The following EFCAB12 variants were observed in gnomAD, a reference collection of about 807,000 sequenced individuals.
The protein encoded by EFCAB12 is EF-hand calcium binding domain 12, also known as EF-hand calcium-binding domain-containing protein 12.
EFCAB12 carries 43 observed loss-of-function variants against 53.6 expected under a neutral mutation model. The ratio of observed to expected loss-of-function variants is 0.80; its 90% CI spans 0.63 to 1.03. The LOEUF is 1.03. EFCAB12 is among the 50% of genes least tolerant of loss of function. The pLI is 0.00. For synonymous variants in EFCAB12, 269 were observed against 289.2 expected, an observed-to-expected ratio of 0.93 and a Z score of 0.71; for missense variants, 646 against 730.6, an observed-to-expected ratio of 0.88 and a Z score of 1.34.
At chr3:129,404,028 T>C in intron 7 of EFCAB12, 1 of 508,796 alleles carries the variant, frequency 2.0e-6, no homozygotes, top group Non-Finnish European at 3.5e-6. Flanking sequence ...AGGGTAGCTG[T>C]GTGGGAGCTG....
At chr3:129,425,061 G>C (rs1181810930) in intron 1 of EFCAB12, among the ~76,000 whole-genome samples, 1 of 152,144 alleles carries the variant, frequency 6.6e-6, no homozygotes, top group African/African-American at 2.4e-5. Flanking sequence ...CATGTTGGAA[G>C]CCCACTGTGT....
At chr3:129,403,115 C>T (rs1437348458) in intron 7 of EFCAB12, 1 of 156,344 alleles carries the variant, frequency 6.4e-6, no homozygotes, top group East Asian at 1.9e-4. Context: ...CCTAAGAGAA[C>T]TCTCTTTATC....
chr3:129,408,362 A>G (rs1034572627), intron 6 of EFCAB12, among the ~76,000 whole-genome samples: 1 of 152,198 alleles, frequency 6.6e-6, no homozygotes, highest in African/African-American at 2.4e-5. Context: ...CTCTAGAATG[A>G]GCTTTTGGTT....
At chr3:129,405,309 G>C (rs1403532440) in intron 6 of EFCAB12, among the ~76,000 whole-genome samples, 1 of 152,194 alleles carries the variant, frequency 6.6e-6, no homozygotes, top group South Asian at 2.1e-4. Flanking sequence ...AGTGATGGAA[G>C]TTACGCTCCA....
At chr3:129,410,538 G>A (rs542635942) in intron 5 of EFCAB12, among the ~76,000 whole-genome samples, 77 of 152,084 alleles carry the variant, frequency 5.1e-4, no homozygotes, top group African/African-American at 1.6e-3. Context: ...GGATGGCCTC[G>A]AACTCCTGGG....
Position 129,420,582 on chromosome 3 carries a change from A to T in EFCAB12, c.486+785T>A, listed in dbSNP as rs144103309. On this transcript the variant is annotated intron_variant, in intron 2 of 8. Transcript: ENST00000505956. ...ACCTCACAATCGTCATCCTCACAAT[A>T]GCTTGCTACATGGAACCCTCAGCAA... Among the ~76,000 whole-genome samples the T allele has an allele frequency of 1.2e-4, 19 of 152,338 alleles. No individual in the cohort carries two copies. The East Asian group carries it at 2.9e-3, about 23-fold the overall frequency.
chr3:129,408,995 T>C (rs1285024996), intron 5 of EFCAB12, 137 bp from the exon 6 acceptor site: 1 of 903,798 alleles, frequency 1.1e-6, no homozygotes, highest in Non-Finnish European at 1.7e-6. Flanking sequence ...CAACGTCCAG[T>C]GGGGCTGCAG....
At position 129,405,286 on chromosome 3, in the gene EFCAB12, A is replaced by G. The variant is rs916925735; in HGVS notation, c.1250-883T>C. Among the ~76,000 whole-genome samples, 12 of 152,316 alleles carry G rather than the reference A, an allele frequency of 7.9e-5. No homozygotes were observed. The East Asian group carries it at 9.6e-4, about 12-fold the overall frequency. ...TTAAGCTGGTAACACATGAAAGCTC[A>G]TGTTCTAGAAAAAGTGATGGAAGTT... On this transcript the variant is annotated intron_variant, in intron 6 of 8. Transcript: ENST00000505956.
intron 1 of EFCAB12, among the ~76,000 whole-genome samples, chr3:129,423,808 C>T (rs973911554): frequency 6.6e-6 from 1 of 152,138 alleles, no homozygotes; most frequent in African/African-American, 2.4e-5. Context: ...ACCAGCCTCT[C>T]CGATTTCTCT....
At chr3:129,410,726 C>T (rs1305428814) in intron 5 of EFCAB12, among the ~76,000 whole-genome samples, 5 of 152,176 alleles carry the variant, frequency 3.3e-5, no homozygotes, top group African/African-American at 4.8e-5. Context: ...CTATAACACC[C>T]GGAAGAGTGC....
chr3:129,401,998 A>C, intron 8 of EFCAB12, 147 bp from the exon 9 acceptor site: 1 of 1,205,308 alleles, frequency 8.3e-7, no homozygotes, highest in Non-Finnish European at 1.1e-6. Context: ...ACAGTTCCAT[A>C]TGGTCAGCTC....
intron 7 of EFCAB12, 82 bp downstream of exon 7, chr3:129,404,168 C>G: frequency 6.5e-7 from 1 of 1,526,816 alleles, no homozygotes; most frequent in Non-Finnish European, 8.8e-7. Flanking sequence ...GCCCCAGGTA[C>G]TCCAGCCTCC....
intron 5 of EFCAB12, 125 bp from the exon 6 acceptor site, chr3:129,408,983 A>G (rs2071994343): frequency 1.7e-5 from 17 of 1,027,162 alleles, no homozygotes; most frequent in Non-Finnish European, 2.4e-5. Flanking sequence ...GGTGATGGCA[A>G]CCAACGTCCA....
intron 6 of EFCAB12, among the ~76,000 whole-genome samples, chr3:129,406,887 G>T (rs1484599486): frequency 6.7e-6 from 1 of 150,028 alleles, no homozygotes; most frequent in Admixed American, 6.6e-5. Context: ...TTTTGACAGG[G>T]TCTCGCTCTG....
rs955111916 is a variant in EFCAB12, at chr3:129,401,381, T to C, written c.*212A>G. The C allele has an allele frequency of 2.5e-5, 14 of 565,594 alleles. No individual in the cohort carries two copies. The highest frequency in any genetic ancestry group is 1.4e-4 in the Admixed American group (4 of 27,594). 35.0% of individuals were successfully genotyped at this position (565,594 alleles called of 1,614,324 possible). A position where few individuals can be genotyped will look rare whatever the true frequency, so the allele number is the denominator to read the frequency against. ...AAGGGCAGAGGTCAGGGGAGGGAAA[T>C]AGTCAAAAACTGCACGTCATTCCTT... On this transcript the variant is annotated 3_prime_UTR_variant, in exon 9 of 9. Coordinates refer to ENST00000505956, the MANE Select transcript of EFCAB12 (RefSeq NM_207307.3).
At chr3:129,420,741 G>T (rs976326365) in intron 2 of EFCAB12, among the ~76,000 whole-genome samples, 1 of 152,160 alleles carries the variant, frequency 6.6e-6, no homozygotes, top group Non-Finnish European at 1.5e-5. Context: ...TTTCTAAGAT[G>T]GAGTCTTCTT....
chr3:129,426,365 T>TTG (rs1559794041), intron 1 of EFCAB12, among the ~76,000 whole-genome samples: 3 of 124,296 alleles, frequency 2.4e-5, no homozygotes, highest in African/African-American at 1.1e-4. Flanking sequence ...TTTTGTTTTT[T>TTG]TTTTTTTTTT....
intron 3 of EFCAB12, among the ~76,000 whole-genome samples, chr3:129,417,339 A>C (rs1269375402): frequency 1.8e-5 from 2 of 113,252 alleles, no homozygotes; most frequent in Non-Finnish European, 3.3e-5. Flanking sequence ...AAAAAAAAAA[A>C]CCAAAAAAAA....
intron 1 of EFCAB12, among the ~76,000 whole-genome samples, chr3:129,427,341 C>T (rs2072286323): frequency 6.7e-6 from 1 of 148,836 alleles, no homozygotes; most frequent in Admixed American, 6.6e-5. Flanking sequence ...GTCTTTGTGC[C>T]CCTTCCCCCA....
Sources: allele counts gnomAD v4.1 joint callset (sites outside exome capture counted in the v4.1 genomes callset), GRCh38; gene constraint gnomAD v4.1.1; transcripts MANE v1.5; gene names NCBI Gene and HGNC (gene_info 2026-07-23, HGNC 2026-07-21).